The following KIF26A variants were observed in gnomAD, a reference collection of about 807,000 sequenced individuals.
KIF26A encodes kinesin family member 26A.
Under a neutral mutation model 126.0 loss-of-function variants are expected in KIF26A, and 74 were observed. The observed-to-expected ratio is 0.59, with a 90% CI of 0.49 to 0.71. The LOEUF (loss-of-function observed/expected upper bound fraction) is 0.71. Ranked by LOEUF, KIF26A falls within the 30% of genes least tolerant of loss-of-function variation. KIF26A has a pLI of 0.00. For missense variants in KIF26A, 2,984 were observed against 2,763.3 expected (o/e 1.08, Z -1.79); for synonymous variants, 1,445 against 1,232.7 (o/e 1.17, Z -3.61).
At chr14:104,161,391 A>C (rs1381414599) in intron 4 of KIF26A, among the ~76,000 whole-genome samples, 2 of 152,196 alleles carry the variant, frequency 1.3e-5, no homozygotes, top group African/African-American at 4.8e-5. Flanking sequence ...TGATTCCTGC[A>C]CGCGACAGAA....
intron 4 of KIF26A, among the ~76,000 whole-genome samples, chr14:104,158,624 C>T (rs1037245516): frequency 6.6e-6 from 1 of 152,218 alleles, no homozygotes; most frequent in Non-Finnish European, 1.5e-5. Context: ...CTGCTCTCCC[C>T]CCTGCTGATC....
chr14:104,177,668 G>A lies in KIF26A; in HGVS notation c.4880G>A (p.Ser1627Asn). 6.5e-7 allele frequency: 1 copy of A among 1,529,598 alleles called. No individual in the cohort carries two copies. The highest frequency in any genetic ancestry group is 8.8e-7 in the Non-Finnish European group (1 of 1,142,658). 94.8% of individuals were successfully genotyped at this position (1,529,598 alleles called of 1,614,324 possible). A position where few individuals can be genotyped will look rare whatever the true frequency, so the allele number is the denominator to read the frequency against. ...TAPRRPQRYS[S>N]GHGSDNSSVL... Reference sequence around the variant, plus strand: ...CCACGGCGGCCCCAGCGCTACAGCAGCGGCCATGGCAGCGACAACAGCAGC... The same window carrying A: ...CCACGGCGGCCCCAGCGCTACAGCAACGGCCATGGCAGCGACAACAGCAGC... The change falls in exon 12 of 15, where the codon AGC becomes AAC. Residue 1627 changes from serine (S) to asparagine (N), a missense_variant. Physicochemically the swap from Ser to Asn is conservative, Grantham distance 46. Transcript: ENST00000423312.
intron 10 of KIF26A, 96 bp from the exon 11 acceptor site, chr14:104,174,052 G>A (rs1367763970): frequency 1.4e-6 from 2 of 1,418,564 alleles, no homozygotes; most frequent in Non-Finnish European, 1.9e-6. Context: ...GCCGGAGCTG[G>A]GTGGGAACCA....
chr14:104,175,715 T>A lies in KIF26A; in HGVS notation c.2927T>A (p.Val976Glu), dbSNP rs1485911284. ...EEPGGGGTDG[V>E]ARTPPVGMSG... ...CCTGGGGGAGGGGGCACTGATGGAG[T>A]GGCACGGACCCCTCCCGTGGGCATG... The change falls in exon 12 of 15, where the codon GTG becomes GAG. Residue 976 changes from valine (V) to glutamate (E), a missense_variant. By Grantham distance (121) the Val-to-Glu change is moderately radical. Coordinates refer to ENST00000423312, the MANE Select transcript of KIF26A (RefSeq NM_015656.2). 2.5e-6 allele frequency: 4 copies of A among 1,587,618 alleles called. No homozygotes were observed. The Admixed American group carries it at 7.1e-5, about 28-fold the overall frequency.
In KIF26A at chr14:104,175,791, C is replaced by G. The variant is rs201731425; in HGVS notation, c.3003C>G (p.Arg1001=). The G allele has an allele frequency of 1.2e-5, 18 of 1,539,654 alleles. No homozygotes were observed. In the African/African-American group the frequency reaches 2.3e-4, roughly 20 times the overall value. The change falls in exon 12 of 15, where the codon CGC becomes CGG. Residue 1001 remains arginine (R), a synonymous_variant. Coordinates refer to ENST00000423312, the MANE Select transcript of KIF26A (RefSeq NM_015656.2). The stretch of plus-strand genomic sequence containing the variant: ...TGCTTCCTGGGGCCACCTGCCCCCG[C>G]CTGGCTGCTGGCAGTCGCTGTCCGG... ...SPMLPGATCP[R]LAAGSRCPER... is the part of the protein sequence containing the mutation.
chr14:104,148,583 G>A lies in KIF26A; in HGVS notation c.289-3432G>A, dbSNP rs1312669901. ...GAGGCCTGGTCCCACTGCCCAGCCT[G>A]TGCAGAGGTTGGAAGGTGCAGGAAG... On this transcript the variant is annotated intron_variant, in intron 2 of 14. Coordinates refer to ENST00000423312, the MANE Select transcript of KIF26A (RefSeq NM_015656.2). The surrounding 1 kb of genome is among the most constrained non-coding windows in gnomAD (Gnocchi z 4.3). Among the ~76,000 whole-genome samples, 1 of 151,144 alleles carries A rather than the reference G, an allele frequency of 6.6e-6. No homozygotes were observed. Among genetic ancestry groups the A allele is most frequent in the African/African-American group, 2.4e-5 (1 of 41,046 alleles).
Position 104,177,345 on chromosome 14 carries a change from G to C in KIF26A, c.4557G>C (p.Thr1519=), listed in dbSNP as rs569497181. 3 of 1,503,734 alleles carry C rather than the reference G, an allele frequency of 2.0e-6. No homozygotes were observed. Among genetic ancestry groups the C allele is most frequent in the African/African-American group, 2.8e-5 (2 of 72,074 alleles). The allele number at this position is 1,503,734 out of a possible 1,614,324, so 93.1% of individuals were successfully genotyped here. Residue 1519 remains threonine (T), a synonymous_variant, in exon 12 of 15, where the codon ACG becomes ACC. Transcript: ENST00000423312. ...RALGPSVKLS[T]ASVTGRSPGG... is the part of the protein sequence containing the mutation. ...TGGGGCCTTCGGTGAAGCTGTCTAC[G>C]GCCTCTGTGACGGGCAGGAGCCCTG...
intron 5 of KIF26A, among the ~76,000 whole-genome samples, chr14:104,167,663 G>C (rs1285257852): frequency 1.3e-5 from 2 of 152,156 alleles, no homozygotes; most frequent in East Asian, 3.9e-4. Flanking sequence ...CTGGCTGGAC[G>C]TGGCCCTGCC....
In KIF26A at chr14:104,152,004, G is replaced by T. The variant is rs981359104; in HGVS notation, c.289-11G>T. The T allele has an allele frequency of 2.5e-6, 4 of 1,612,192 alleles. No homozygotes were observed. The highest frequency in any genetic ancestry group is 3.4e-6 in the Non-Finnish European group (4 of 1,179,502). Reference sequence around the variant, plus strand: ...GGCACTGACCCTGCCTTTGTCCCTTGCTGTCCTCAGGATCCTTGCCTCTCT... The same window carrying T: ...GGCACTGACCCTGCCTTTGTCCCTTTCTGTCCTCAGGATCCTTGCCTCTCT... On this transcript the variant is annotated splice_polypyrimidine_tract_variant and intron_variant, in intron 2 of 14. Coordinates refer to ENST00000423312, the MANE Select transcript of KIF26A (RefSeq NM_015656.2). The surrounding 1 kb of genome is among the most constrained non-coding windows in gnomAD (Gnocchi z 5.9).
At chr14:104,170,864 TC>T (rs1298680995) in intron 5 of KIF26A, among the ~76,000 whole-genome samples, 1 of 152,216 alleles carries the variant, frequency 6.6e-6, no homozygotes, top group African/African-American at 2.4e-5. Flanking sequence ...GGGGCTGGTG[TC>T]AGGGTCTTCC....
rs2141085433 is a variant in KIF26A at position 104,139,288 on chromosome 14, G to A, written c.288G>A (p.Arg96=). 8 of 1,501,698 alleles carry A rather than the reference G, an allele frequency of 5.3e-6. No homozygotes were observed. Among genetic ancestry groups the A allele is most frequent in the Non-Finnish European group, 6.2e-6 (7 of 1,124,440 alleles). 93.0% of individuals were successfully genotyped at this position (1,501,698 alleles called of 1,614,324 possible). The change falls in exon 2 of 15, where the codon CGG becomes CGA. Residue 96 remains arginine (R), a splice_region_variant and synonymous_variant. Coordinates refer to ENST00000423312, the MANE Select transcript of KIF26A (RefSeq NM_015656.2). ...KLVSGPGTTL[R]DPCLSALLLD... ...TCAGCGGGCCCGGGACCACCCTCCGGGTAAGTGACACTTCCTTAGGCCGAC... is the reference window on the plus strand; with the variant it reads ...TCAGCGGGCCCGGGACCACCCTCCGAGTAAGTGACACTTCCTTAGGCCGAC...
rs1482384756 is a variant in KIF26A at position 104,138,588 on chromosome 14, C to A, written c.-135C>A. 2 of 637,264 alleles carry A rather than the reference C, an allele frequency of 3.1e-6. No individual in the cohort carries two copies. Among genetic ancestry groups the A allele is most frequent in the East Asian group, 9.6e-5 (2 of 20,842 alleles). The allele number at this position is 637,264 out of a possible 1,614,324, so 39.5% of individuals were successfully genotyped here. A position where few individuals can be genotyped will look rare whatever the true frequency, so the allele number is the denominator to read the frequency against. On this transcript the variant is annotated 5_prime_UTR_variant, in exon 1 of 15. Coordinates refer to ENST00000423312, the MANE Select transcript of KIF26A (RefSeq NM_015656.2). Reference sequence around the variant, plus strand: ...CGGAGCCACCGCGCTCCTCGCGACACTCGCAGGCTCTGCGAACTTCCGAGC... The same window carrying A: ...CGGAGCCACCGCGCTCCTCGCGACAATCGCAGGCTCTGCGAACTTCCGAGC...
Position 104,176,778 on chromosome 14 carries a change from G to C in KIF26A, c.3990G>C (p.Val1330=). The C allele has an allele frequency of 6.3e-7, 1 of 1,575,150 alleles. No homozygotes were observed. The highest frequency in any genetic ancestry group is 8.6e-7 in the Non-Finnish European group (1 of 1,161,752). ...VSWGDAPTEV[V]ACSGSLKASP... ...GGGGAGATGCTCCCACGGAGGTGGT[G>C]GCCTGCTCGGGGAGCCTGAAGGCCT... Residue 1330 remains valine (V), a synonymous_variant, in exon 12 of 15, where the codon GTG becomes GTC. Coordinates refer to ENST00000423312, the MANE Select transcript of KIF26A (RefSeq NM_015656.2).
At chr14:104,143,365 G>C (rs938736438) in intron 2 of KIF26A, among the ~76,000 whole-genome samples, 1 of 152,196 alleles carries the variant, frequency 6.6e-6, no homozygotes, top group South Asian at 2.1e-4. Flanking sequence ...CCCTCCTACC[G>C]CTCTGTGTGG....
chr14:104,154,312 T>G (rs1392540793), intron 3 of KIF26A, among the ~76,000 whole-genome samples: 3 of 152,158 alleles, frequency 2.0e-5, no homozygotes, highest in Non-Finnish European at 4.4e-5. Context: ...GGACCAGCCA[T>G]GGCACTTTGG....
At chr14:104,149,473 G>C (rs1201550835) in intron 2 of KIF26A, among the ~76,000 whole-genome samples, 1 of 152,184 alleles carries the variant, frequency 6.6e-6, no homozygotes, top group Non-Finnish European at 1.5e-5. Flanking sequence ...CCCCAGTGGG[G>C]GCTTCAGCTT....
At chr14:104,141,716 C>T (rs560403472) in intron 2 of KIF26A, among the ~76,000 whole-genome samples, 29 of 149,324 alleles carry the variant, frequency 1.9e-4, no homozygotes, top group Non-Finnish European at 3.7e-4. Context: ...CGTAGAGGGT[C>T]GGGCCCAGCC....
Position 104,139,233 on chromosome 14 carries a change from T to C in KIF26A, c.233T>C (p.Val78Ala). 1 of 1,557,688 alleles carries C rather than the reference T, an allele frequency of 6.4e-7. No individual in the cohort carries two copies. The change falls in exon 2 of 15, where the codon GTG becomes GCG. Residue 78 changes from valine to alanine, a missense_variant. Val to Ala is a moderately conservative substitution (Grantham distance 64). Transcript: ENST00000423312. The stretch of plus-strand genomic sequence containing the variant: ...TGCCGCCACTGCCACACGAAGCTGG[T>C]GGAGCTCAAGCGACAGGCGTGGAAG... The part of the protein sequence containing the change: ...GWCRHCHTKL[V>A]ELKRQAWKLV...
intron 4 of KIF26A, among the ~76,000 whole-genome samples, chr14:104,161,409 G>A (rs1029949845): frequency 9.9e-5 from 15 of 152,238 alleles, no homozygotes; most frequent in Non-Finnish European, 2.1e-4. Context: ...GAACAGGCTC[G>A]TGTGTCTCCT....
Sources: gnomAD v4.1 joint callset for allele counts (sites outside exome capture counted in the v4.1 genomes callset) on GRCh38, gnomAD v4.1.1 for gene constraint, Gnocchi (gnomAD v3.1) non-coding constraint, MANE v1.5 for transcripts, NCBI Gene and HGNC (gene_info 2026-07-23, HGNC 2026-07-21) for gene names.